The following CDH6 variants were observed in gnomAD, a reference collection of about 807,000 sequenced individuals.
CDH6 encodes the protein cadherin 6.
CDH6 carries 31 observed loss-of-function variants against 78.0 expected under a neutral mutation model. The ratio of observed to expected loss-of-function variants is 0.40; its 90% CI spans 0.30 to 0.54. The LOEUF is 0.54. Among genes scored for constraint, CDH6 ranks in the 20% least tolerant of loss-of-function variants. The pLI is 0.56. For synonymous variants in CDH6, 376 were observed against 368.8 expected, an observed-to-expected ratio of 1.02 and a Z score of -0.23; for missense variants, 724 against 975.9, an observed-to-expected ratio of 0.74 and a Z score of 3.44.
At chr5:31,317,348 A>G (rs1236619655) in intron 9 of CDH6, 27 bp from the exon 10 acceptor site, 2 of 1,092,256 alleles carry the variant, frequency 1.8e-6, no homozygotes, top group Non-Finnish European at 1.4e-6. Flanking sequence ...TCAAAATTTT[A>G]TGGCAGCGTT....
chr5:31,254,163 C>T (rs1741987743), intron 1 of CDH6, among the ~76,000 whole-genome samples: 1 of 152,174 alleles, frequency 6.6e-6, no homozygotes, highest in African/African-American at 2.4e-5. Flanking sequence ...TCACTTAGCC[C>T]TCGTGGTTAT....
intron 2 of CDH6, among the ~76,000 whole-genome samples, chr5:31,285,290 C>T (rs1392159480): frequency 2.0e-5 from 3 of 152,144 alleles, no homozygotes; most frequent in Non-Finnish European, 1.5e-5. Context: ...GTGCTCATAT[C>T]GGTTGCTAAA....
chr5:31,252,209 GT>G (rs1173167491), intron 1 of CDH6, among the ~76,000 whole-genome samples: 2 of 152,126 alleles, frequency 1.3e-5, no homozygotes, highest in East Asian at 3.8e-4. Flanking sequence ...TGGATACCTG[GT>G]TTTTATTTAC....
Position 31,305,369 on chromosome 5 carries a change from A to G in CDH6, c.1195A>G (p.Asn399Asp), listed in dbSNP as rs1306227333. Reference sequence around the variant, plus strand: ...ACAAATAAGAGAAGATGCTCAGATAAACACCACAATAGGCTCCGTCACAGC... The same window carrying G: ...ACAAATAAGAGAAGATGCTCAGATAGACACCACAATAGGCTCCGTCACAGC... ...ILQIREDAQINTTIGSVTAQD... is the reference protein window; with the variant it reads ...ILQIREDAQIDTTIGSVTAQD... Residue 399 changes from asparagine (N) to aspartate (D), a missense_variant, in exon 7 of 12, where the codon AAC (asparagine) becomes GAC (aspartate). Physicochemically the swap from Asn to Asp is conservative, Grantham distance 23. Around this residue, in one of 3 missense-constraint regions of CDH6, gnomAD observed 446 missense variants for 684.5 expected, o/e 0.65. Coordinates refer to ENST00000265071, the MANE Select transcript of CDH6 (RefSeq NM_004932.4). The G allele has an allele frequency of 6.2e-7, 1 of 1,614,032 alleles. No homozygotes were observed. The highest frequency in any genetic ancestry group is 8.5e-7 in the Non-Finnish European group (1 of 1,180,012).
At chr5:31,313,976 T>C (rs1331078755) in intron 8 of CDH6, among the ~76,000 whole-genome samples, 1 of 152,072 alleles carries the variant, frequency 6.6e-6, no homozygotes. Flanking sequence ...ATACAAGCCA[T>C]CAAGTAATCA....
At chr5:31,316,469 A>C in intron 9 of CDH6, 140 bp downstream of exon 9, 1 of 704,188 alleles carries the variant, frequency 1.4e-6, no homozygotes, top group Non-Finnish European at 2.3e-6. Context: ...ACTATAAATA[A>C]GAACCAGGAC....
chr5:31,249,121 A>C (rs1225340339), intron 1 of CDH6: 1 of 152,236 alleles, frequency 6.6e-6, no homozygotes, highest in African/African-American at 2.4e-5. Flanking sequence ...GTAGTACCCA[A>C]CAAATACATG....
intron 3 of CDH6, among the ~76,000 whole-genome samples, chr5:31,295,520 A>G (rs1031050476): frequency 2.6e-5 from 4 of 152,218 alleles, no homozygotes; most frequent in Non-Finnish European, 5.9e-5. Flanking sequence ...TGACAGTAAC[A>G]TGTCTTGAGA....
intron 3 of CDH6, among the ~76,000 whole-genome samples, chr5:31,296,149 C>T (rs1378314187): frequency 6.6e-6 from 1 of 152,094 alleles, no homozygotes; most frequent in Non-Finnish European, 1.5e-5. Context: ...ATGTAGAATT[C>T]CTAATATTCC....
chr5:31,232,907 C>T (rs1356135367), intron 1 of CDH6, among the ~76,000 whole-genome samples: 3 of 152,150 alleles, frequency 2.0e-5, no homozygotes, highest in African/African-American at 7.2e-5. Flanking sequence ...AAAATAGGTC[C>T]TTTAATACTC....
intron 1 of CDH6, among the ~76,000 whole-genome samples, chr5:31,223,913 G>A (rs1450138135): frequency 1.3e-5 from 2 of 152,140 alleles, no homozygotes; most frequent in Non-Finnish European, 2.9e-5. Flanking sequence ...ATTTATCAAT[G>A]ATGGTGATAA....
intron 2 of CDH6, among the ~76,000 whole-genome samples, chr5:31,290,248 A>C (rs1427351676): frequency 6.6e-6 from 1 of 152,176 alleles, no homozygotes; most frequent in African/African-American, 2.4e-5. Context: ...CAACAGAGTG[A>C]GACTCCATCT....
chr5:31,301,728 G>C (rs1273971353), intron 5 of CDH6, among the ~76,000 whole-genome samples: 1 of 152,208 alleles, frequency 6.6e-6, no homozygotes, highest in Non-Finnish European at 1.5e-5. Flanking sequence ...AGAATACCTA[G>C]TAATTAACTA....
intron 1 of CDH6, among the ~76,000 whole-genome samples, chr5:31,214,705 G>T (rs1740817206): frequency 1.3e-5 from 2 of 152,150 alleles, no homozygotes; most frequent in South Asian, 4.1e-4. Flanking sequence ...GAAAAAATGT[G>T]AGCATGTCCT....
chr5:31,299,510 G>T lies in CDH6; in HGVS notation c.690G>T (p.Glu230Asp). 1 of 1,613,754 alleles carries T rather than the reference G, an allele frequency of 6.2e-7. No homozygotes were observed. The highest frequency in any genetic ancestry group is 1.1e-5 in the South Asian group (1 of 91,044). Residue 230 changes from glutamate (E) to aspartate (D), a missense_variant, in exon 5 of 12, where the codon GAG (glutamate) becomes GAT (aspartate). Coordinates refer to ENST00000265071, the MANE Select transcript of CDH6 (RefSeq NM_004932.4). ...TCAACATGGATCGAGAAAACAGGGA[G>T]CAGTACCAAGTGGTGATTCAAGCCA... is the stretch of plus-strand genomic sequence containing the variant. The part of the protein sequence containing the change: ...ALLNMDRENR[E>D]QYQVVIQAKD...
intron 1 of CDH6, among the ~76,000 whole-genome samples, chr5:31,256,369 A>G (rs1162808377): frequency 6.6e-6 from 1 of 152,192 alleles, no homozygotes; most frequent in Non-Finnish European, 1.5e-5. Context: ...GAGCTGGCCA[A>G]GGGTGGGAAC....
intron 1 of CDH6, among the ~76,000 whole-genome samples, chr5:31,234,496 T>A (rs189755137): frequency 1.1e-3 from 170 of 152,246 alleles, no homozygotes; most frequent in African/African-American, 3.9e-3. Context: ...AATAACTAGA[T>A]GCCATTTTCC....
intron 1 of CDH6, among the ~76,000 whole-genome samples, chr5:31,216,402 C>A (rs1740864468): frequency 1.3e-5 from 2 of 151,970 alleles, no homozygotes; most frequent in Admixed American, 1.3e-4. Context: ...AAAGAATCAA[C>A]AGAAAAACAG....
intron 1 of CDH6, among the ~76,000 whole-genome samples, chr5:31,258,885 A>G (rs564035489): frequency 2.1e-4 from 32 of 152,330 alleles, no homozygotes; most frequent in African/African-American, 7.5e-4. Flanking sequence ...AGCCTGGCAC[A>G]CACCCCCTTA....
Sources: allele counts gnomAD v4.1 joint callset (sites outside exome capture counted in the v4.1 genomes callset), GRCh38; gene constraint gnomAD v4.1.1; regional missense constraint gnomAD v4.1.1; transcripts MANE v1.5; gene names NCBI Gene and HGNC (gene_info 2026-07-23, HGNC 2026-07-21).